PDE11A: variants seen among roughly 807,000 people sequenced by gnomAD.
The protein encoded by PDE11A is dual 3',5'-cyclic-AMP and -GMP phosphodiesterase 11A.
In PDE11A, 100 loss-of-function variants were observed where a neutral mutation model predicts 100.5. That is an observed-to-expected ratio of 1.00 (90% CI 0.85 to 1.18). The LOEUF (loss-of-function observed/expected upper bound fraction) is 1.18, where lower values mean the gene tolerates loss of function less well. Among genes scored for constraint, PDE11A ranks in the 50% most tolerant of loss-of-function variants. PDE11A has a pLI of 0.00. For missense variants in PDE11A, 1,141 were observed against 1,152.6 expected (o/e 0.99, Z 0.15); for synonymous variants, 381 against 420.8 (o/e 0.91, Z 1.16).
chr2:177,840,010 T>C (rs929039985), intron 6 of PDE11A, among the ~76,000 whole-genome samples: 3 of 152,170 alleles, frequency 2.0e-5, no homozygotes, highest in African/African-American at 7.2e-5. Context: ...AGTTCATAGT[T>C]TAATATAAAA....
intron 9 of PDE11A, among the ~76,000 whole-genome samples, chr2:177,794,885 A>G (rs1343820416): frequency 6.6e-6 from 1 of 152,084 alleles, no homozygotes; most frequent in Non-Finnish European, 1.5e-5. Flanking sequence ...TCCCGGATTC[A>G]AGCTATTCTC....
chr2:177,939,134 A>T (rs536055045), intron 2 of PDE11A, among the ~76,000 whole-genome samples: 2 of 152,276 alleles, frequency 1.3e-5, no homozygotes, highest in South Asian at 4.2e-4. Flanking sequence ...TGCAACCAGG[A>T]ACTTCTATAA....
At chr2:177,716,417 G>T (rs2081438330) in intron 12 of PDE11A, among the ~76,000 whole-genome samples, 1 of 152,074 alleles carries the variant, frequency 6.6e-6, no homozygotes, top group South Asian at 2.1e-4. Flanking sequence ...GAAGACACTT[G>T]GGTTTCTCTT....
intron 2 of PDE11A, among the ~76,000 whole-genome samples, chr2:177,993,565 C>A (rs1440046502): frequency 6.6e-6 from 1 of 152,134 alleles, no homozygotes; most frequent in Non-Finnish European, 1.5e-5. Context: ...TCTGTGACTT[C>A]ATTGATATAA....
intron 10 of PDE11A, among the ~76,000 whole-genome samples, chr2:177,764,078 C>T (rs2082207251): frequency 6.6e-6 from 1 of 152,104 alleles, no homozygotes; most frequent in Non-Finnish European, 1.5e-5. Context: ...TTTTTTAAGC[C>T]TAGTAAATCA....
Position 177,670,062 on chromosome 2 carries a change from G to A in PDE11A, c.2488-495C>T, listed in dbSNP as rs1364279818. On this transcript the variant is annotated intron_variant, in intron 17 of 19. Transcript: ENST00000286063. ...ACTCCCTCCCTACCAATATTTGTAT[G>A]CACTCTGGGAGGGATAACCCCAGGG... Among the ~76,000 whole-genome samples, 5 of 152,268 alleles carry A rather than the reference G, an allele frequency of 3.3e-5. No homozygotes were observed. The East Asian group carries it at 7.7e-4, about 24-fold the overall frequency.
chr2:177,881,836 A>G (rs1558989689), intron 4 of PDE11A, among the ~76,000 whole-genome samples: 1 of 152,258 alleles, frequency 6.6e-6, no homozygotes, highest in Non-Finnish European at 1.5e-5. Flanking sequence ...TAAAATATTT[A>G]GTAGACAGAC....
intron 1 of PDE11A, among the ~76,000 whole-genome samples, chr2:178,054,678 C>T: frequency 6.6e-6 from 1 of 151,960 alleles, no homozygotes; most frequent in Non-Finnish European, 1.5e-5. Context: ...TCATAAAAAA[C>T]TGGGCAAAGG....
chr2:177,998,871 C>T, intron 2 of PDE11A: 1 of 572,614 alleles, frequency 1.7e-6, no homozygotes, highest in Admixed American at 3.1e-5. Flanking sequence ...ACTATTACAC[C>T]CAACTGGATG....
chr2:177,993,798 C>A (rs1449499158), intron 2 of PDE11A, among the ~76,000 whole-genome samples: 1 of 151,946 alleles, frequency 6.6e-6, no homozygotes, highest in African/African-American at 2.4e-5. Flanking sequence ...TAACTTCTTG[C>A]TAGACAAGAC....
intron 5 of PDE11A, among the ~76,000 whole-genome samples, chr2:177,872,477 T>C (rs1285643455): frequency 1.3e-5 from 2 of 152,078 alleles, no homozygotes; most frequent in Non-Finnish European, 2.9e-5. Context: ...GACAAAGCAG[T>C]GAAAGACACT....
At chr2:177,881,483 T>C (rs1326860095) in intron 4 of PDE11A, among the ~76,000 whole-genome samples, 1 of 152,132 alleles carries the variant, frequency 6.6e-6, no homozygotes, top group Non-Finnish European at 1.5e-5. Context: ...GCAAGGTGAG[T>C]TGACCTCTGA....
At chr2:177,950,224 A>ATTT (rs34823486) in intron 2 of PDE11A, among the ~76,000 whole-genome samples, 7,036 of 148,136 alleles carry the variant, frequency 0.047, 167 homozygotes, top group South Asian at 0.069. Flanking sequence ...TCTCCTTCCC[A>ATTT]TTTTTTTTTT....
intron 19 of PDE11A, among the ~76,000 whole-genome samples, chr2:177,636,419 A>G (rs527602801): frequency 6.6e-6 from 1 of 152,174 alleles, no homozygotes; most frequent in Non-Finnish European, 1.5e-5. Context: ...CAGCATATCA[A>G]TCATTTTTGA....
chr2:177,643,927 T>C (rs1261871574), intron 19 of PDE11A, among the ~76,000 whole-genome samples: 1 of 152,204 alleles, frequency 6.6e-6, no homozygotes, highest in Admixed American at 6.5e-5. Context: ...TTTCATGTGG[T>C]ATTGAGCTTG....
Position 177,728,111 on chromosome 2 carries a change from GAA to G in PDE11A, c.1848_1849del (p.Leu618ArgfsTer3). On this transcript the variant is annotated frameshift_variant, in exon 11 of 20. Transcript: ENST00000286063. LOFTEE classifies it high-confidence loss of function. ...TGTGATCATGGCATCAACGTCGAGA[GAA>G]AAGTCATCAAAATGAATGTCATCGA... The G allele has an allele frequency of 6.2e-7, 1 of 1,612,594 alleles. No individual in the cohort carries two copies. The highest frequency in any genetic ancestry group is 2.2e-5 in the East Asian group (1 of 44,842).
chr2:177,762,956 G>A (rs1267040083), intron 10 of PDE11A, among the ~76,000 whole-genome samples: 1 of 152,162 alleles, frequency 6.6e-6, no homozygotes, highest in East Asian at 1.9e-4. Context: ...CTCATGCTCA[G>A]CACCCACTCC....
rs2079806170 is a variant in PDE11A, at chr2:177,624,620, A to G, written c.*4787T>C. 6.6e-6 allele frequency: 1 copy of G among 152,230 alleles called. No individual in the cohort carries two copies. Among genetic ancestry groups the G allele is most frequent in the South Asian group, 2.1e-4 (1 of 4,836 alleles). 9.4% of individuals were successfully genotyped at this position (152,230 alleles called of 1,614,324 possible). On this transcript the variant is annotated 3_prime_UTR_variant, in exon 20 of 20. Transcript: ENST00000286063. ...TAACCCAATGTATTTGCAAATATAC[A>G]ATACCTGGAAATGCATAGACATCTC...
chr2:178,020,941 G>C (rs1298794735), intron 1 of PDE11A, among the ~76,000 whole-genome samples: 3 of 148,686 alleles, frequency 2.0e-5, no homozygotes, highest in African/African-American at 7.5e-5. Flanking sequence ...GTGTGTGTGT[G>C]TGTGTGTGTG....
Sources: gnomAD v4.1 joint callset for allele counts (sites outside exome capture counted in the v4.1 genomes callset) on GRCh38, gnomAD v4.1.1 for gene constraint, MANE v1.5 for transcripts, NCBI Gene and HGNC (gene_info 2026-07-23, HGNC 2026-07-21) for gene names.